Variants in CHMP5 observed in about 807,000 individuals in gnomAD.
CHMP5 encodes the protein charged multivesicular body protein 5.
Under a neutral mutation model 33.0 loss-of-function variants are expected in CHMP5, and 17 were observed. The ratio of observed to expected loss-of-function variants is 0.52; its 90% CI spans 0.35 to 0.77. CHMP5 has a LOEUF of 0.77. CHMP5 is among the 30% of genes least tolerant of loss of function. The probability of loss-of-function intolerance (pLI) is 0.01; values close to 1 mark genes in which losing one functional copy is unlikely to be tolerated. For missense variants in CHMP5, 216 were observed against 261.5 expected (o/e 0.83, Z 1.20); for synonymous variants, 76 against 90.2 (o/e 0.84, Z 0.89).
At position 33,278,147 on chromosome 9, in the gene CHMP5, T is replaced by G; in HGVS notation, c.531T>G (p.Asp177Glu). The change falls in exon 7 of 8, where the codon GAT becomes GAG. Residue 177 changes from aspartate to glutamate, a missense_variant. Physicochemically the swap from Asp to Glu is conservative, Grantham distance 45. Coordinates refer to ENST00000223500, the MANE Select transcript of CHMP5 (RefSeq NM_016410.6). ...LDALGDELLADEDSSYLDEAA... is the reference protein window; with the variant it reads ...LDALGDELLAEEDSSYLDEAA... ...CACTAGGTGATGAGCTTCTGGCTGA[T>G]GAAGACAGTTCTTATTTGGATGAGG... The G allele has an allele frequency of 6.2e-7, 1 of 1,612,980 alleles. No individual in the cohort carries two copies.
chr9:33,268,548 C>T (rs528485953), intron 3 of CHMP5, among the ~76,000 whole-genome samples: 2 of 152,254 alleles, frequency 1.3e-5, no homozygotes, highest in South Asian at 4.1e-4. Flanking sequence ...TGTCTCTCTT[C>T]CTATATTAAA....
chr9:33,265,202 G>GCCCACC, intron 1 of CHMP5, 55 bp downstream of exon 1: 1 of 1,225,678 alleles, frequency 8.2e-7, no homozygotes, highest in Admixed American at 2.4e-5. Flanking sequence ...ACCCGACCCC[G>GCCCACC]CCCACCCCCA....
intron 2 of CHMP5, 60 bp from the exon 3 acceptor site, chr9:33,267,793 T>C: frequency 8.6e-7 from 1 of 1,159,638 alleles, no homozygotes; most frequent in Non-Finnish European, 1.3e-6. Context: ...CTATGGGAAA[T>C]TTCTTTTACC....
intron 6 of CHMP5, among the ~76,000 whole-genome samples, chr9:33,277,100 G>A (rs1820864521): frequency 6.6e-6 from 1 of 151,228 alleles, no homozygotes; most frequent in South Asian, 2.1e-4. Flanking sequence ...GGAGGCTGAG[G>A]TGGAAGGATC....
chr9:33,273,430 C>T (rs1464336575), intron 5 of CHMP5, among the ~76,000 whole-genome samples: 1 of 152,206 alleles, frequency 6.6e-6, no homozygotes, highest in African/African-American at 2.4e-5. Context: ...CTTCGTCTTT[C>T]ACCTGTGGTT....
At chr9:33,278,035 A>G (rs1820875671) in intron 6 of CHMP5, 78 bp from the exon 7 acceptor site, 6 of 883,946 alleles carry the variant, frequency 6.8e-6, no homozygotes, top group East Asian at 2.6e-5. Flanking sequence ...TTTCAAGTCC[A>G]TCGATAAATG....
At position 33,281,872 on chromosome 9, in the gene CHMP5, C is replaced by T. The variant is rs1481593210; in HGVS notation, c.*1013C>T. 1 of 152,236 alleles carries T rather than the reference C, an allele frequency of 6.6e-6. No individual in the cohort carries two copies. 9.4% of individuals were successfully genotyped at this position (152,236 alleles called of 1,614,324 possible). A position where few individuals can be genotyped will look rare whatever the true frequency, so the allele number is the denominator to read the frequency against. On this transcript the variant is annotated 3_prime_UTR_variant, in exon 8 of 8. Transcript: ENST00000223500. ...AAAAAAGAAACTGCTTCATTCTTTTCTTGGAAGGTGCCTGGAGTACTACAG... is the reference window on the plus strand; with the variant it reads ...AAAAAAGAAACTGCTTCATTCTTTTTTTGGAAGGTGCCTGGAGTACTACAG...
chr9:33,270,541 T>C (rs2118023386), intron 3 of CHMP5, 82 bp from the exon 4 acceptor site: 2 of 1,090,320 alleles, frequency 1.8e-6, no homozygotes, highest in South Asian at 2.7e-5. Context: ...TTTTAAATAC[T>C]CTTATTTAGT....
At chr9:33,279,364 G>T (rs1482005826) in intron 7 of CHMP5, among the ~76,000 whole-genome samples, 1 of 152,084 alleles carries the variant, frequency 6.6e-6, no homozygotes, top group Non-Finnish European at 1.5e-5. Context: ...ATTATTACTG[G>T]TTTCTGTGAG....
At chr9:33,267,408 A>G (rs1412351529) in intron 2 of CHMP5, among the ~76,000 whole-genome samples, 2 of 152,210 alleles carry the variant, frequency 1.3e-5, no homozygotes, top group Non-Finnish European at 2.9e-5. Flanking sequence ...GAGGAAAGAT[A>G]AGGTTGATAA....
At chr9:33,273,908 A>G (rs1820823579) in intron 5 of CHMP5, among the ~76,000 whole-genome samples, 1 of 150,740 alleles carries the variant, frequency 6.6e-6, no homozygotes, top group Non-Finnish European at 1.5e-5. Context: ...TCTCTATGTT[A>G]TTTTCATTGT....
In CHMP5 at chr9:33,266,787, G is replaced by A. The variant is rs1367638403; in HGVS notation, c.174+673G>A. Among the ~76,000 whole-genome samples the A allele has an allele frequency of 2.0e-5, 3 of 152,288 alleles. No homozygotes were observed. The East Asian group carries it at 5.8e-4, about 29-fold the overall frequency. ...GGTATATTAGACTGCTTAAGGAGTG[G>A]CCTGCTGGGAAAAACTGAACTAGGC... On this transcript the variant is annotated intron_variant, in intron 2 of 7. Coordinates refer to ENST00000223500, the MANE Select transcript of CHMP5 (RefSeq NM_016410.6).
chr9:33,280,940 A>G lies in CHMP5; in HGVS notation c.*81A>G, dbSNP rs1248944220. 8.0e-7 allele frequency: 1 copy of G among 1,252,186 alleles called. No homozygotes were observed. The highest frequency in any genetic ancestry group is 1.1e-6 in the Non-Finnish European group (1 of 892,356). 77.6% of individuals were successfully genotyped at this position (1,252,186 alleles called of 1,614,324 possible). A position where few individuals can be genotyped will look rare whatever the true frequency, so the allele number is the denominator to read the frequency against. On this transcript the variant is annotated 3_prime_UTR_variant, in exon 8 of 8. Coordinates refer to ENST00000223500, the MANE Select transcript of CHMP5 (RefSeq NM_016410.6). Reference sequence around the variant, plus strand: ...ATATTTATCTTTCCAAATTTGCCATAACAGATTTAGGTTTCTTTCCTTTCT... The same window carrying G: ...ATATTTATCTTTCCAAATTTGCCATGACAGATTTAGGTTTCTTTCCTTTCT...
chr9:33,278,123 A>T lies in CHMP5; in HGVS notation c.507A>T (p.Ala169=). The T allele has an allele frequency of 6.2e-7, 1 of 1,607,864 alleles. No homozygotes were observed. Among genetic ancestry groups the T allele is most frequent in the Middle Eastern group, 1.9e-4 (1 of 5,340 alleles). The change falls in exon 7 of 8, where the codon GCA becomes GCT. Residue 169 remains alanine (A), a synonymous_variant. Coordinates refer to ENST00000223500, the MANE Select transcript of CHMP5 (RefSeq NM_016410.6). ...CTGTTTCAATCTCAGAGTTGGATGC[A>T]CTAGGTGATGAGCTTCTGGCTGATG... ...DEDDLEAELD[A]LGDELLADED... is the part of the protein sequence containing the mutation.
intron 5 of CHMP5, among the ~76,000 whole-genome samples, chr9:33,273,370 TA>T (rs1293708707): frequency 6.6e-6 from 1 of 152,182 alleles, no homozygotes; most frequent in African/African-American, 2.4e-5. Context: ...TAAAGCTATT[TA>T]ATAGGAACAA....
intron 6 of CHMP5, 39 bp downstream of exon 6, chr9:33,276,603 G>A: frequency 2.6e-6 from 3 of 1,146,678 alleles, no homozygotes; most frequent in Non-Finnish European, 3.9e-6. Context: ...TAGTTTTGGA[G>A]TCCAAAAGCA....
At chr9:33,265,182 C>A (rs769599687) in intron 1 of CHMP5, 35 bp downstream of exon 1, 1 of 1,603,972 alleles carries the variant, frequency 6.2e-7, no homozygotes, top group Non-Finnish European at 8.5e-7. Flanking sequence ...AGGCTCAGGA[C>A]CTCTGACACA....
intron 7 of CHMP5, among the ~76,000 whole-genome samples, chr9:33,280,292 A>G (rs1487749644): frequency 6.6e-6 from 1 of 152,218 alleles, no homozygotes; most frequent in African/African-American, 2.4e-5. Context: ...TTGTTTTTAA[A>G]GTAAAGGAAT....
At chr9:33,274,451 C>T (rs887884344) in intron 5 of CHMP5, among the ~76,000 whole-genome samples, 5 of 152,148 alleles carry the variant, frequency 3.3e-5, no homozygotes, top group Admixed American at 3.3e-4. Context: ...GCTTTATCAA[C>T]ACTAGTTCTG....
Sources: allele counts gnomAD v4.1 joint callset (sites outside exome capture counted in the v4.1 genomes callset), GRCh38; gene constraint gnomAD v4.1.1; transcripts MANE v1.5; gene names NCBI Gene and HGNC (gene_info 2026-07-23, HGNC 2026-07-21).